The following MAP2 variants were observed in gnomAD, a reference collection of about 807,000 sequenced individuals.
MAP2 encodes the protein microtubule associated protein 2.
In MAP2, 14 loss-of-function variants were observed where a neutral mutation model predicts 137.6. That is an observed-to-expected ratio of 0.10 (90% CI 0.07 to 0.16). MAP2 has a LOEUF of 0.16. Ranked by LOEUF, MAP2 falls within the 10% of genes least tolerant of loss-of-function variation. MAP2 has a pLI of 1.00. For missense variants in MAP2, 2,088 were observed against 2,191.5 expected, an observed-to-expected ratio of 0.95 and a Z score of 0.94; for synonymous variants, 786 against 782.3, an observed-to-expected ratio of 1.00 and a Z score of -0.08.
chr2:209,701,389 T>C (rs1429288107), intron 11 of MAP2, among the ~76,000 whole-genome samples: 1 of 151,920 alleles, frequency 6.6e-6, no homozygotes, highest in Admixed American at 6.6e-5. Context: ...TTAACTGTAT[T>C]TTAATGACCA....
chr2:209,606,839 C>G (rs188736189), intron 3 of MAP2, among the ~76,000 whole-genome samples: 25 of 152,200 alleles, frequency 1.6e-4, no homozygotes, highest in Non-Finnish European at 3.1e-4. Flanking sequence ...AAGTCAAAAG[C>G]TAACTCAAGT....
In MAP2 at chr2:209,625,077, C is replaced by T. The variant is rs1032734386; in HGVS notation, c.-82C>T. ...GAAAGAAGCCAGAAAATATTATCAACCCTTTGAGAACACGACACAACGAAC... is the reference window on the plus strand; with the variant it reads ...GAAAGAAGCCAGAAAATATTATCAATCCTTTGAGAACACGACACAACGAAC... On this transcript the variant is annotated 5_prime_UTR_variant, in exon 4 of 16. Coordinates refer to ENST00000682079, the MANE Select transcript of MAP2 (RefSeq NM_001375505.1). The T allele has an allele frequency of 6.6e-6, 1 of 152,032 alleles. No homozygotes were observed. Among genetic ancestry groups the T allele is most frequent in the Non-Finnish European group, 1.5e-5 (1 of 67,998 alleles). 9.4% of individuals were successfully genotyped at this position (152,032 alleles called of 1,614,324 possible).
At chr2:209,726,055 C>T (rs768139754) in intron 14 of MAP2, among the ~76,000 whole-genome samples, 1 of 152,094 alleles carries the variant, frequency 6.6e-6, no homozygotes, top group Non-Finnish European at 1.5e-5. Context: ...ACTCAACACG[C>T]TTATTGGAGC....
chr2:209,561,126 AC>A (rs2071960909), intron 2 of MAP2, among the ~76,000 whole-genome samples: 1 of 152,214 alleles, frequency 6.6e-6, no homozygotes, highest in South Asian at 2.1e-4. Context: ...ATGATTTTAC[AC>A]GTCCTCTTTT....
chr2:209,681,524 A>G (rs1216771153), intron 7 of MAP2, among the ~76,000 whole-genome samples: 1 of 152,200 alleles, frequency 6.6e-6, no homozygotes, highest in Non-Finnish European at 1.5e-5. Context: ...TTCATTCAGA[A>G]TCTGAGATGA....
intron 7 of MAP2, among the ~76,000 whole-genome samples, chr2:209,685,756 G>T (rs978346017): frequency 6.6e-6 from 1 of 152,098 alleles, no homozygotes; most frequent in Non-Finnish European, 1.5e-5. Flanking sequence ...TTTTTTAAAT[G>T]CTATAGATCT....
At chr2:209,663,876 T>G (rs181830992) in intron 5 of MAP2, among the ~76,000 whole-genome samples, 1 of 152,308 alleles carries the variant, frequency 6.6e-6, no homozygotes, top group Admixed American at 6.5e-5. Context: ...AATGGGCAAG[T>G]TTACATTGTG....
chr2:209,621,921 C>T (rs1001173551), intron 3 of MAP2, among the ~76,000 whole-genome samples: 4 of 152,178 alleles, frequency 2.6e-5, no homozygotes, highest in African/African-American at 4.8e-5. Flanking sequence ...AAGCTGACTT[C>T]GTTTATAGCT....
At chr2:209,611,688 G>C (rs930395602) in intron 3 of MAP2, among the ~76,000 whole-genome samples, 1 of 151,972 alleles carries the variant, frequency 6.6e-6, no homozygotes, top group South Asian at 2.1e-4. Flanking sequence ...CCATAACAGT[G>C]TTAGTCAACA....
At chr2:209,538,203 G>A (rs1313880161) in intron 2 of MAP2, among the ~76,000 whole-genome samples, 1 of 151,958 alleles carries the variant, frequency 6.6e-6, no homozygotes, top group African/African-American at 2.4e-5. Context: ...CTTTACAAAT[G>A]GTTAATACAA....
chr2:209,609,706 T>A (rs1392830793), intron 3 of MAP2, among the ~76,000 whole-genome samples: 1 of 152,192 alleles, frequency 6.6e-6, no homozygotes, highest in East Asian at 1.9e-4. Context: ...TTTTATTAGT[T>A]CATTAATCAG....
chr2:209,509,295 A>G (rs1483750680), intron 2 of MAP2, among the ~76,000 whole-genome samples: 1 of 151,942 alleles, frequency 6.6e-6, no homozygotes. Context: ...TCCCCTAACC[A>G]TCTTCCACAT....
chr2:209,446,505 A>G (rs1699093308), intron 1 of MAP2, among the ~76,000 whole-genome samples: 1 of 151,888 alleles, frequency 6.6e-6, no homozygotes, highest in Admixed American at 6.6e-5. Flanking sequence ...AATGACTAAA[A>G]ATGAAACAGA....
At chr2:209,613,438 GT>G (rs2087765832) in intron 3 of MAP2, among the ~76,000 whole-genome samples, 1 of 152,016 alleles carries the variant, frequency 6.6e-6, no homozygotes, top group Non-Finnish European at 1.5e-5. Flanking sequence ...GTAGTCCTTC[GT>G]TAAGAAAGTG....
At position 209,731,335 on chromosome 2, in the gene MAP2, A is replaced by G. The variant is rs554955157; in HGVS notation, c.*938A>G. ...AGGGTTCTCTCCCTATTTAAAAAAA[A>G]TACATTAAAAAAGACAAAAAATTTT... On this transcript the variant is annotated 3_prime_UTR_variant, in exon 16 of 16. Coordinates refer to ENST00000682079, the MANE Select transcript of MAP2 (RefSeq NM_001375505.1). 28 of 152,648 alleles carry G rather than the reference A, an allele frequency of 1.8e-4. No homozygotes were observed. Among genetic ancestry groups the G allele is most frequent in the African/African-American group, 6.7e-4 (28 of 41,542 alleles). 9.5% of individuals were successfully genotyped at this position (152,648 alleles called of 1,614,324 possible). A position where few individuals can be genotyped will look rare whatever the true frequency, so the allele number is the denominator to read the frequency against.
chr2:209,433,886 T>A (rs1339670808), intron 1 of MAP2, among the ~76,000 whole-genome samples: 1 of 152,016 alleles, frequency 6.6e-6, no homozygotes, highest in Non-Finnish European at 1.5e-5. Flanking sequence ...AATTCATGTT[T>A]GAGGGAAGTA....
intron 4 of MAP2, among the ~76,000 whole-genome samples, chr2:209,643,903 A>G (rs2094216206): frequency 6.6e-6 from 1 of 152,202 alleles, no homozygotes; most frequent in South Asian, 2.1e-4. Context: ...CATGTGACCT[A>G]TCAACATAGT....
rs190823762 is a variant in MAP2 at position 209,563,497 on chromosome 2, C to T, written c.-171-16539C>T. Among the ~76,000 whole-genome samples, 9 of 152,296 alleles carry T rather than the reference C, an allele frequency of 5.9e-5. No homozygotes were observed. In the East Asian group the frequency reaches 7.7e-4, roughly 13 times the overall value. Reference sequence around the variant, plus strand: ...ACGAGAACAACCCTCCTTCAGAGGCCATATGAATCTAGTTCAAGATTAAGG... The same window carrying T: ...ACGAGAACAACCCTCCTTCAGAGGCTATATGAATCTAGTTCAAGATTAAGG... On this transcript the variant is annotated intron_variant, in intron 2 of 15. Transcript: ENST00000682079.
In MAP2 at chr2:209,694,362, T is replaced by C; in HGVS notation, c.2192T>C (p.Ile731Thr). 6.2e-7 allele frequency: 1 copy of C among 1,614,094 alleles called. No homozygotes were observed. Among genetic ancestry groups the C allele is most frequent in the African/African-American group, 1.3e-5 (1 of 75,032 alleles). Residue 731 changes from isoleucine (I) to threonine (T), a missense_variant, in exon 8 of 16, where the codon ATT becomes ACT. Ile to Thr is a moderately conservative substitution (Grantham distance 89). Transcript: ENST00000682079. ...GATCTTTCTCCTCTGGCTTCCGATA[T>C]TCTAACCAACACTAGTGGAAGTATG... ...GHDLSPLASD[I>T]LTNTSGSMDE...
Sources: gnomAD v4.1 joint callset for allele counts (sites outside exome capture counted in the v4.1 genomes callset) on GRCh38, gnomAD v4.1.1 for gene constraint, MANE v1.5 for transcripts, NCBI Gene and HGNC (gene_info 2026-07-23, HGNC 2026-07-21) for gene names.